MAP3K13: variants seen among roughly 807,000 people sequenced by gnomAD.
MAP3K13 encodes mitogen-activated protein kinase kinase kinase 13, also known as leucine zipper-bearing kinase.
A neutral mutation model predicts 104.0 loss-of-function variants in MAP3K13; 52 were observed. The ratio of observed to expected loss-of-function variants is 0.50; its 90% CI spans 0.40 to 0.63. The LOEUF is 0.63. MAP3K13 is among the 20% of genes least tolerant of loss of function. The pLI, the probability that MAP3K13 is intolerant of heterozygous loss-of-function variation, is 0.00. For missense variants in MAP3K13, 914 were observed against 1,218.5 expected (o/e 0.75, Z 3.72); for synonymous variants, 394 against 442.2 (o/e 0.89, Z 1.37).
At chr3:185,292,785 A>C in intron 2 of MAP3K13, 1 of 985,400 alleles carries the variant, frequency 1.0e-6, no homozygotes, top group Non-Finnish European at 1.2e-6. Context: ...AAATACTATC[A>C]TGGGCTAATT....
intron 7 of MAP3K13, 25 bp from the exon 8 acceptor site, chr3:185,463,525 C>A: frequency 7.2e-7 from 1 of 1,383,930 alleles, no homozygotes; most frequent in South Asian, 1.2e-5. Flanking sequence ...TGGAATTTAT[C>A]AAAATCTAAT....
intron 3 of MAP3K13, among the ~76,000 whole-genome samples, 185 bp from the exon 4 acceptor site, chr3:185,443,260 G>A (rs1342846366): frequency 2.6e-5 from 4 of 152,186 alleles, no homozygotes; most frequent in African/African-American, 9.7e-5. Flanking sequence ...AATTGTCTAT[G>A]TGCATCATAG....
At chr3:185,351,091 A>G (rs1007598171) in intron 2 of MAP3K13, among the ~76,000 whole-genome samples, 1 of 152,208 alleles carries the variant, frequency 6.6e-6, no homozygotes, top group Admixed American at 6.5e-5. Flanking sequence ...CCATTATCCT[A>G]TGTGAACTAA....
chr3:185,417,644 C>T lies in MAP3K13; in HGVS notation c.-85-10853C>T, dbSNP rs530448451. On this transcript the variant is annotated intron_variant, in intron 1 of 13. Coordinates refer to ENST00000265026, the MANE Select transcript of MAP3K13 (RefSeq NM_004721.5). ...ACAGCAGCCTTCTTTCCTTTCTTAC[C>T]TACCACAGGCTTCTTGCCTGCAACC... The T allele has an allele frequency of 1.4e-3, 2,187 of 1,612,028 alleles. 19 individuals carry two copies. Among genetic ancestry groups the T allele is most frequent in the Middle Eastern group, 1.1e-3 (5 of 4,566 alleles).
At position 185,450,181 on chromosome 3, in the gene MAP3K13, C is replaced by T; in HGVS notation, c.1169+123C>T. On this transcript the variant is annotated intron_variant, in intron 6 of 13. Transcript: ENST00000265026. This position sits in a 1 kb window ranked among gnomAD's most constrained non-coding sequence, Gnocchi z 4.2. ...ATCTTGGGTTCAAATACTAGCTCTGCCCCTTTCTATCTGTGCAATTTTGGG... is the reference window on the plus strand; with the variant it reads ...ATCTTGGGTTCAAATACTAGCTCTGTCCCTTTCTATCTGTGCAATTTTGGG... The T allele has an allele frequency of 1.2e-6, 1 of 838,578 alleles. No homozygotes were observed. The highest frequency in any genetic ancestry group is 3.5e-5 in the Admixed American group (1 of 28,510). The allele number at this position is 838,578 out of a possible 1,614,324, so 51.9% of individuals were successfully genotyped here. A position where few individuals can be genotyped will look rare whatever the true frequency, so the allele number is the denominator to read the frequency against.
intron 2 of MAP3K13, among the ~76,000 whole-genome samples, chr3:185,288,456 G>T (rs571336377): frequency 6.7e-6 from 1 of 149,694 alleles, no homozygotes; most frequent in Non-Finnish European, 1.5e-5. Flanking sequence ...AATTTATATA[G>T]AGAGAATATA....
chr3:185,410,370 G>T (rs946077366), intron 1 of MAP3K13, among the ~76,000 whole-genome samples: 2 of 152,182 alleles, frequency 1.3e-5, no homozygotes, highest in Admixed American at 1.3e-4. Context: ...GGAGGGATTT[G>T]TTAAAGGATA....
rs184100697 is a variant in MAP3K13, at chr3:185,289,063, G to A, written c.-86+3420G>A. On this transcript the variant is annotated intron_variant, in intron 2 of 14. Coordinates refer to the MAP3K13 transcript ENST00000424227. Reference sequence around the variant, plus strand: ...GTAATTGTGATGATCTAGATTGAGGGGACTGGGAATTTTTAGAAGACTTTG... The same window carrying A: ...GTAATTGTGATGATCTAGATTGAGGAGACTGGGAATTTTTAGAAGACTTTG... Among the ~76,000 whole-genome samples, 53 of 152,184 alleles carry A rather than the reference G, an allele frequency of 3.5e-4. No individual in the cohort carries two copies. The East Asian group carries it at 8.3e-3, about 24-fold the overall frequency.
intron 1 of MAP3K13, among the ~76,000 whole-genome samples, chr3:185,379,943 T>TG (rs1227657845): frequency 1.3e-5 from 2 of 152,088 alleles, no homozygotes; most frequent in Admixed American, 1.3e-4. Context: ...CCAAGCACTT[T>TG]GGGGGGCCGA....
intron 1 of MAP3K13, among the ~76,000 whole-genome samples, chr3:185,284,050 C>T (rs986773091): frequency 2.6e-5 from 4 of 151,904 alleles, no homozygotes; most frequent in Non-Finnish European, 5.9e-5. Context: ...AGGCACGCGC[C>T]ACCACCCCCA....
intron 2 of MAP3K13, among the ~76,000 whole-genome samples, chr3:185,350,591 C>G (rs1025723651): frequency 4.6e-5 from 7 of 152,114 alleles, no homozygotes; most frequent in Admixed American, 1.3e-4. Flanking sequence ...TTTAATCATA[C>G]TATATGGTAT....
At chr3:185,451,518 A>T in intron 7 of MAP3K13, 123 bp downstream of exon 7, 1 of 658,220 alleles carries the variant, frequency 1.5e-6, no homozygotes, top group Non-Finnish European at 2.7e-6. Context: ...ATTCATTGTG[A>T]CACAATAAAT....
At chr3:185,367,556 A>C (rs1723947486) in intron 1 of MAP3K13, among the ~76,000 whole-genome samples, 1 of 152,174 alleles carries the variant, frequency 6.6e-6, no homozygotes. Context: ...AATATGTTAA[A>C]GAGGAGGAGC....
At chr3:185,392,425 C>A (rs1016932167) in intron 1 of MAP3K13, among the ~76,000 whole-genome samples, 6 of 152,078 alleles carry the variant, frequency 3.9e-5, no homozygotes, top group African/African-American at 1.4e-4. Flanking sequence ...AGAGATGAGC[C>A]CTAAAGAACA....
intron 2 of MAP3K13, among the ~76,000 whole-genome samples, chr3:185,348,029 A>T (rs1723000867): frequency 6.7e-6 from 1 of 148,908 alleles, no homozygotes; most frequent in African/African-American, 2.5e-5. Flanking sequence ...AAAAAAAAAG[A>T]AAGAAAGAAA....
intron 8 of MAP3K13, among the ~76,000 whole-genome samples, chr3:185,464,569 G>A (rs946726499): frequency 4.6e-5 from 7 of 152,084 alleles, no homozygotes; most frequent in African/African-American, 1.7e-4. Context: ...CTTCTCCTTT[G>A]CCTTCTGCCA....
intron 2 of MAP3K13, chr3:185,292,515 A>G (rs778461288): frequency 6.4e-6 from 2 of 311,606 alleles, no homozygotes; most frequent in Non-Finnish European, 9.3e-6. Context: ...TTCGTCATCT[A>G]TAAAGTGAAT....
chr3:185,448,257 T>C, intron 5 of MAP3K13: 2 of 403,492 alleles, frequency 5.0e-6, no homozygotes, highest in Non-Finnish European at 4.7e-6. Context: ...CTTTCTGAAA[T>C]GTGTTACATA....
At chr3:185,289,427 C>T (rs2108670946) in intron 2 of MAP3K13, among the ~76,000 whole-genome samples, 1 of 152,284 alleles carries the variant, frequency 6.6e-6, no homozygotes, top group East Asian at 1.9e-4. Flanking sequence ...AACATATCCA[C>T]TGGTCACTTA....
Sources: gnomAD v4.1 joint callset for allele counts (sites outside exome capture counted in the v4.1 genomes callset) on GRCh38, gnomAD v4.1.1 for gene constraint, Gnocchi (gnomAD v3.1) non-coding constraint, MANE v1.5 for transcripts, NCBI Gene and HGNC (gene_info 2026-07-23, HGNC 2026-07-21) for gene names.